MDGA2: variants seen among roughly 807,000 people sequenced by gnomAD.
MDGA2 encodes the protein MAM domain-containing glycosylphosphatidylinositol anchor protein 2.
In MDGA2, 40 loss-of-function variants were observed where a neutral mutation model predicts 117.8. That is an observed-to-expected ratio of 0.34 (90% CI 0.26 to 0.44). The LOEUF (loss-of-function observed/expected upper bound fraction) is 0.44. Ranked by LOEUF, MDGA2 falls within the 20% of genes least tolerant of loss-of-function variation. MDGA2 has a pLI of 1.00. For synonymous variants in MDGA2, 452 were observed against 439.0 expected, an observed-to-expected ratio of 1.03 and a Z score of -0.37; for missense variants, 1,123 against 1,250.6, an observed-to-expected ratio of 0.90 and a Z score of 1.54.
intron 10 of MDGA2, among the ~76,000 whole-genome samples, chr14:46,888,126 T>G (rs915553589): frequency 1.3e-5 from 2 of 152,026 alleles, no homozygotes; most frequent in African/African-American, 4.8e-5. Flanking sequence ...ATTCCAAGTC[T>G]TTAATTTAAG....
chr14:47,199,016 A>G (rs150131400), intron 3 of MDGA2, among the ~76,000 whole-genome samples: 95 of 152,250 alleles, frequency 6.2e-4, no homozygotes, highest in African/African-American at 2.2e-3. Flanking sequence ...ATTGCAATAT[A>G]AAAACTCTGC....
chr14:47,475,749 T>C (rs1019872413), intron 1 of MDGA2, among the ~76,000 whole-genome samples: 2 of 152,156 alleles, frequency 1.3e-5, no homozygotes, highest in African/African-American at 4.8e-5. Context: ...CTGCATGTTC[T>C]CACTTATAAG....
In MDGA2 at chr14:46,987,213, G is replaced by A. The variant is rs61992805; in HGVS notation, c.1820-29570C>T. Among the ~76,000 whole-genome samples the A allele has an allele frequency of 4.3e-3, 654 of 152,082 alleles. 3 individuals are homozygous for A. Among genetic ancestry groups the A allele is most frequent in the Non-Finnish European group, 7.0e-3 (478 of 67,982 alleles). Reference sequence around the variant, plus strand: ...AATGATGAACACTAATATGCCCACGGTGACTCTTTGGGATCACACTGGTCA... The same window carrying A: ...AATGATGAACACTAATATGCCCACGATGACTCTTTGGGATCACACTGGTCA... On this transcript the variant is annotated intron_variant, in intron 8 of 16. Coordinates refer to ENST00000399232, the MANE Select transcript of MDGA2 (RefSeq NM_001113498.3).
At chr14:47,383,457 G>A (rs917073853) in intron 1 of MDGA2, among the ~76,000 whole-genome samples, 1 of 152,088 alleles carries the variant, frequency 6.6e-6, no homozygotes, top group Non-Finnish European at 1.5e-5. Context: ...GTGATTCATT[G>A]AAGAAATATT....
chr14:47,421,928 T>C (rs990494467), intron 1 of MDGA2, among the ~76,000 whole-genome samples: 12 of 151,816 alleles, frequency 7.9e-5, no homozygotes, highest in African/African-American at 2.9e-4. Context: ...TTTTTCAAGT[T>C]AAAAAAAATC....
chr14:47,359,382 C>A (rs7161405), intron 1 of MDGA2, among the ~76,000 whole-genome samples: 48,640 of 151,460 alleles, frequency 0.32, 8,460 homozygotes, highest in Admixed American at 0.51. Context: ...AACAAACAAA[C>A]AAAAAACATT....
At chr14:47,568,672 A>T (rs1895962203) in intron 1 of MDGA2, among the ~76,000 whole-genome samples, 1 of 152,218 alleles carries the variant, frequency 6.6e-6, no homozygotes, top group African/African-American at 2.4e-5. Flanking sequence ...AAATATTTGT[A>T]GATTGGTAAA....
intron 8 of MDGA2, among the ~76,000 whole-genome samples, chr14:47,032,962 A>T (rs1888715267): frequency 6.6e-6 from 1 of 152,158 alleles, no homozygotes; most frequent in Non-Finnish European, 1.5e-5. Flanking sequence ...CAGTTGGATT[A>T]TAACCCCTGC....
intron 9 of MDGA2, among the ~76,000 whole-genome samples, chr14:46,935,328 C>T (rs1233891722): frequency 2.0e-5 from 3 of 152,032 alleles, no homozygotes; most frequent in Non-Finnish European, 4.4e-5. Context: ...TCCAGCTCAC[C>T]CTACATATCC....
chr14:47,405,212 CAAG>C, intron 1 of MDGA2, among the ~76,000 whole-genome samples: 1 of 152,208 alleles, frequency 6.6e-6, no homozygotes, highest in Non-Finnish European at 1.5e-5. Context: ...CTTTTTAAAT[CAAG>C]AAACTATAAT....
intron 1 of MDGA2, among the ~76,000 whole-genome samples, chr14:47,545,574 G>T (rs1199775152): frequency 6.6e-6 from 1 of 152,086 alleles, no homozygotes; most frequent in African/African-American, 2.4e-5. Context: ...ACTATGCAGG[G>T]TTCTACTTAT....
chr14:47,058,425 C>T lies in MDGA2; in HGVS notation c.1525+2824G>A, dbSNP rs190777564. Reference sequence around the variant, plus strand: ...CACATCACCACATATATATTTATGTCTTACATTGTTGCTTCCTTTTCTTTG... The same window carrying T: ...CACATCACCACATATATATTTATGTTTTACATTGTTGCTTCCTTTTCTTTG... On this transcript the variant is annotated intron_variant, in intron 7 of 16. Coordinates refer to ENST00000399232, the MANE Select transcript of MDGA2 (RefSeq NM_001113498.3). 3.7e-4 allele frequency among the ~76,000 whole-genome samples: 56 copies of T among 152,216 alleles called. 1 individual carries two copies. The highest frequency in any genetic ancestry group is 2.5e-3 in the Admixed American group (38 of 15,266).
At chr14:47,443,975 T>C (rs1185729634) in intron 1 of MDGA2, 1 of 152,282 alleles carries the variant, frequency 6.6e-6, no homozygotes, top group Non-Finnish European at 1.5e-5. Flanking sequence ...TATAACTTTA[T>C]TGAAGGTATA....
chr14:47,668,177 G>A (rs1898010924), intron 1 of MDGA2, among the ~76,000 whole-genome samples: 1 of 152,144 alleles, frequency 6.6e-6, no homozygotes, highest in African/African-American at 2.4e-5. Flanking sequence ...TTTTAAAAAT[G>A]TAAGATTAGA....
At chr14:47,262,058 G>A (rs917793263) in intron 2 of MDGA2, among the ~76,000 whole-genome samples, 7 of 152,124 alleles carry the variant, frequency 4.6e-5, no homozygotes, top group African/African-American at 1.7e-4. Context: ...GCTGTAAACA[G>A]GGAGCTGTGA....
At chr14:47,267,857 T>C (rs553304229) in intron 2 of MDGA2, among the ~76,000 whole-genome samples, 32 of 152,272 alleles carry the variant, frequency 2.1e-4, no homozygotes, top group Middle Eastern at 3.4e-3. Context: ...TTTCAAGCCC[T>C]TTAGTAAGTC....
intron 1 of MDGA2, among the ~76,000 whole-genome samples, chr14:47,602,466 T>TTA (rs1555335475): frequency 6.7e-6 from 1 of 149,170 alleles, no homozygotes; most frequent in Non-Finnish European, 1.5e-5. Flanking sequence ...GCTCTTTATT[T>TTA]AAAAAAAAAA....
intron 10 of MDGA2, among the ~76,000 whole-genome samples, chr14:46,895,986 ATTT>A (rs777087249): frequency 4.8e-4 from 73 of 152,254 alleles, no homozygotes; most frequent in Non-Finnish European, 8.5e-4. Flanking sequence ...TGCTAAAATT[ATTT>A]GAGTCATTGC....
intron 6 of MDGA2, among the ~76,000 whole-genome samples, chr14:47,075,385 C>A (rs930184725): frequency 3.9e-5 from 6 of 152,156 alleles, no homozygotes; most frequent in African/African-American, 7.2e-5. Flanking sequence ...GATACAACAC[C>A]TGTAAAGCTT....
Sources: gnomAD v4.1 joint callset for allele counts (sites outside exome capture counted in the v4.1 genomes callset) on GRCh38, gnomAD v4.1.1 for gene constraint, MANE v1.5 for transcripts, NCBI Gene and HGNC (gene_info 2026-07-23, HGNC 2026-07-21) for gene names.